The following PLCD3 variants were observed in gnomAD, a reference collection of about 807,000 sequenced individuals.
The protein encoded by PLCD3 is phospholipase C delta 3, also known as 1-phosphatidylinositol 4,5-bisphosphate phosphodiesterase delta-3.
Under a neutral mutation model 82.8 loss-of-function variants are expected in PLCD3, and 62 were observed. The ratio of observed to expected loss-of-function variants is 0.75; its 90% CI spans 0.61 to 0.93. PLCD3 has a LOEUF of 0.93. PLCD3 is among the 40% of genes least tolerant of loss of function. The probability of loss-of-function intolerance (pLI) is 0.00; values close to 1 mark genes in which losing one functional copy is unlikely to be tolerated. For missense variants in PLCD3, 1,023 were observed against 1,103.4 expected, an observed-to-expected ratio of 0.93 and a Z score of 1.03; for synonymous variants, 478 against 471.8, an observed-to-expected ratio of 1.01 and a Z score of -0.17.
chr17:45,121,312 C>T lies in PLCD3; in HGVS notation c.224G>A (p.Arg75His). ...MLRGSRLRKI[R>H]SRTWHKERLY... is the part of the protein sequence containing the mutation. ...CCGCTCCTTGTGCCACGTGCGCGAG[C>T]GGATCTTGCGGAGCCGGGAGCCCCG... is the stretch of plus-strand genomic sequence containing the variant. Residue 75 changes from arginine (R) to histidine (H), a missense_variant, in exon 2 of 15, where the codon CGC (arginine) becomes CAC (histidine). Transcript: ENST00000619929. 2 of 1,566,740 alleles carry T rather than the reference C, an allele frequency of 1.3e-6. No homozygotes were observed. Among genetic ancestry groups the T allele is most frequent in the Non-Finnish European group, 1.7e-6 (2 of 1,165,094 alleles).
intron 1 of PLCD3, among the ~76,000 whole-genome samples, chr17:45,126,007 G>T (rs190925316): frequency 6.8e-4 from 103 of 152,128 alleles, no homozygotes; most frequent in African/African-American, 2.1e-3. Context: ...ACTTAAAAAT[G>T]GTTGCAATGG....
At chr17:45,119,536 G>A (rs1483862498) in intron 4 of PLCD3, among the ~76,000 whole-genome samples, 2 of 152,170 alleles carry the variant, frequency 1.3e-5, no homozygotes, top group African/African-American at 2.4e-5. Flanking sequence ...GAGCCTGGCC[G>A]GCAGGGCTGG....
intron 7 of PLCD3, 102 bp from the exon 8 acceptor site, chr17:45,116,886 G>T: frequency 7.2e-7 from 1 of 1,391,956 alleles, no homozygotes; most frequent in Admixed American, 2.9e-5. Context: ...GCAAAGGCAG[G>T]GCTCTGGAGA....
At position 45,111,173 on chromosome 17, in the gene PLCD3, T is replaced by G. The variant is rs2054238965; in HGVS notation, c.*1443A>C. 1 of 152,244 alleles carries G rather than the reference T, an allele frequency of 6.6e-6. No homozygotes were observed. Among genetic ancestry groups the G allele is most frequent in the African/African-American group, 2.4e-5 (1 of 41,450 alleles). The allele number at this position is 152,244 out of a possible 1,614,324, so 9.4% of individuals were successfully genotyped here. A position where few individuals can be genotyped will look rare whatever the true frequency, so the allele number is the denominator to read the frequency against. On this transcript the variant is annotated 3_prime_UTR_variant, in exon 15 of 15. Coordinates refer to ENST00000619929, the MANE Select transcript of PLCD3 (RefSeq NM_133373.5). ...AGTGTCCAGTGCGCTCTCCTGGCATTTCTATAGAGGCGGCCCAAGCAGCGT... is the reference window on the plus strand; with the variant it reads ...AGTGTCCAGTGCGCTCTCCTGGCATGTCTATAGAGGCGGCCCAAGCAGCGT...
rs965211364 is a variant in PLCD3 at position 45,114,327 on chromosome 17, C to T, written c.1751G>A (p.Arg584His). Residue 584 changes from arginine to histidine, a missense_variant, in exon 11 of 15, where the codon CGC (arginine) becomes CAC (histidine). This residue lies in a region of PLCD3 where 553 missense variants were observed against 655.7 expected (regional missense o/e 0.84). Coordinates refer to ENST00000619929, the MANE Select transcript of PLCD3 (RefSeq NM_133373.5). Reference sequence around the variant, plus strand: ...CATCCGCAGCCCCAGCGGGTACACGCGGGTCAGCTGGCGGGCATTGTGCCT... The same window carrying T: ...CATCCGCAGCCCCAGCGGGTACACGTGGGTCAGCTGGCGGGCATTGTGCCT... Reference protein sequence around the residue: ...FVRHNARQLTRVYPLGLRMNS... With the variant: ...FVRHNARQLTHVYPLGLRMNS... 2.3e-5 allele frequency: 35 copies of T among 1,549,410 alleles called. No homozygotes were observed. Among genetic ancestry groups the T allele is most frequent in the South Asian group, 8.3e-5 (7 of 83,846 alleles).
rs2054230077 is a variant in PLCD3 at position 45,110,100 on chromosome 17, C to T, written c.*2516G>A. On this transcript the variant is annotated 3_prime_UTR_variant, in exon 15 of 15. Coordinates refer to ENST00000619929, the MANE Select transcript of PLCD3 (RefSeq NM_133373.5). ...CTCAAAAAAACAAACAAAAAAAAAA[C>T]CCTGTGATTTCTCCCTTGCTTCTGC... 6.6e-6 allele frequency: 1 copy of T among 151,578 alleles called. No individual in the cohort carries two copies. Among genetic ancestry groups the T allele is most frequent in the African/African-American group, 2.4e-5 (1 of 41,132 alleles). 9.4% of individuals were successfully genotyped at this position (151,578 alleles called of 1,614,324 possible).
rs1359368370 is a variant in PLCD3 at position 45,110,084 on chromosome 17, AC to A, written c.*2531del. 2 of 152,138 alleles carry A rather than the reference AC, an allele frequency of 1.3e-5. No homozygotes were observed. Among genetic ancestry groups the A allele is most frequent in the Non-Finnish European group, 2.9e-5 (2 of 68,216 alleles). The allele number at this position is 152,138 out of a possible 1,614,324, so 9.4% of individuals were successfully genotyped here. A position where few individuals can be genotyped will look rare whatever the true frequency, so the allele number is the denominator to read the frequency against. ...CAGAGCGAGACTCCATCTCAAAAAA[AC>A]AAACAAAAAAAAAACCCTGTGATTT... On this transcript the variant is annotated 3_prime_UTR_variant, in exon 15 of 15. Transcript: ENST00000619929.
At chr17:45,131,965 T>C (rs757849154) in intron 1 of PLCD3, among the ~76,000 whole-genome samples, 3 of 152,132 alleles carry the variant, frequency 2.0e-5, no homozygotes, top group Non-Finnish European at 2.9e-5. Flanking sequence ...TCCATTCTCC[T>C]TGGAGACCCC....
chr17:45,132,298 G>T lies in PLCD3; in HGVS notation c.113C>A (p.Pro38His), dbSNP rs748538131. The stretch of plus-strand genomic sequence containing the variant: ...GGGCCTCTTGGTGCCGCCATCGGAG[G>T]GAGTCGGCGGGGACGGGAGAGCGAC... ...APVALPSPPT[P>H]SDGGTKRPGL... Residue 38 changes from proline (P) to histidine (H), a missense_variant, in exon 1 of 15, where the codon CCC (proline) becomes CAC (histidine). Around this residue, in one of 3 missense-constraint regions of PLCD3, gnomAD observed 448 missense variants for 406.3 expected, o/e 1.10. Transcript: ENST00000619929. The surrounding 1 kb of genome is among the most constrained non-coding windows in gnomAD (Gnocchi z 4.6). 6 of 1,264,698 alleles carry T rather than the reference G, an allele frequency of 4.7e-6. No individual in the cohort carries two copies. The highest frequency in any genetic ancestry group is 6.0e-6 in the Non-Finnish European group (6 of 1,004,520). The allele number at this position is 1,264,698 out of a possible 1,614,324, so 78.3% of individuals were successfully genotyped here.
chr17:45,122,923 G>A (rs957966161), intron 1 of PLCD3, among the ~76,000 whole-genome samples: 3 of 152,162 alleles, frequency 2.0e-5, no homozygotes, highest in African/African-American at 4.8e-5. Context: ...GTGAATGAGG[G>A]CCCAGAGTTT....
chr17:45,116,860 C>T lies in PLCD3; in HGVS notation c.1261-76G>A, dbSNP rs779197562. ...ATCTCCCAACATCTGGCTCCCAGAC[C>T]CTTCAGGACAGGCAGGCAAAGGCAG... On this transcript the variant is annotated intron_variant, in intron 7 of 14. Transcript: ENST00000619929. 35 of 1,458,836 alleles carry T rather than the reference C, an allele frequency of 2.4e-5. No homozygotes were observed. The African/African-American group carries it at 4.6e-4, about 19-fold the overall frequency. 90.4% of individuals were successfully genotyped at this position (1,458,836 alleles called of 1,614,324 possible). A position where few individuals can be genotyped will look rare whatever the true frequency, so the allele number is the denominator to read the frequency against.
chr17:45,114,398 A>T, intron 10 of PLCD3, 32 bp from the exon 11 acceptor site: 1 of 1,514,920 alleles, frequency 6.6e-7, no homozygotes, highest in Non-Finnish European at 8.9e-7. Context: ...ACCGTGACAG[A>T]CTCCGGGGGT....
Position 45,121,243 on chromosome 17 carries a change from C to A in PLCD3, c.293G>T (p.Arg98Leu). 1.9e-6 allele frequency: 3 copies of A among 1,591,618 alleles called. No homozygotes were observed. The highest frequency in any genetic ancestry group is 2.5e-6 in the Non-Finnish European group (3 of 1,176,956). ...CTGCGATGGCGCACGCGGGATGCGC[C>A]GCTGGAACCACACGCTCAGGCCGTC... is the stretch of plus-strand genomic sequence containing the variant. ...QEDGLSVWFQRRIPRAPSQHI... is the reference protein window; with the variant it reads ...QEDGLSVWFQLRIPRAPSQHI... The change falls in exon 2 of 15, where the codon CGG (arginine) becomes CTG (leucine). Residue 98 changes from arginine to leucine, a missense_variant. Around this residue, in one of 3 missense-constraint regions of PLCD3, gnomAD observed 448 missense variants for 406.3 expected, o/e 1.10. Transcript: ENST00000619929.
At chr17:45,116,608 A>G in intron 8 of PLCD3, 24 bp downstream of exon 8, 1 of 1,534,974 alleles carries the variant, frequency 6.5e-7, no homozygotes. Flanking sequence ...CCCTCCACCC[A>G]GGCTAGGGGC....
At chr17:45,116,245 G>A (rs1377544164) in intron 8 of PLCD3, among the ~76,000 whole-genome samples, 1 of 152,222 alleles carries the variant, frequency 6.6e-6, no homozygotes, top group Non-Finnish European at 1.5e-5. Context: ...GGCGGCTGAA[G>A]TTGAGCTGAA....
chr17:45,117,924 T>C, intron 7 of PLCD3, 70 bp downstream of exon 7: 2 of 1,574,616 alleles, frequency 1.3e-6, no homozygotes, highest in South Asian at 1.1e-5. Context: ...GGAGGGCAGC[T>C]GGCATGTGAG....
At chr17:45,130,861 C>T (rs1310709753) in intron 1 of PLCD3, among the ~76,000 whole-genome samples, 2 of 152,060 alleles carry the variant, frequency 1.3e-5, no homozygotes, top group African/African-American at 4.8e-5. Flanking sequence ...CCACTCCCGT[C>T]TTCCTCAGCT....
chr17:45,121,364 C>G lies in PLCD3; in HGVS notation c.172G>C (p.Glu58Gln). 2.6e-6 allele frequency: 4 copies of G among 1,523,422 alleles called. No individual in the cohort carries two copies. The highest frequency in any genetic ancestry group is 2.6e-6 in the Non-Finnish European group (3 of 1,142,354). The allele number at this position is 1,523,422 out of a possible 1,614,324, so 94.4% of individuals were successfully genotyped here. ...AGCATGGCGCGCACGTCCTCGTCCT[C>G]CGTCAGGCCTGGCGGGGCGGGAGGA... ...LRALKKMGLTEDEDVRAMLRG... is the reference protein window; with the variant it reads ...LRALKKMGLTQDEDVRAMLRG... Residue 58 changes from glutamate to glutamine, a missense_variant, in exon 2 of 15, where the codon GAG (glutamate) becomes CAG (glutamine). By Grantham distance (29) the Glu-to-Gln change is conservative (BLOSUM62 2). Transcript: ENST00000619929.
In PLCD3 at chr17:45,113,177, G is replaced by T. The variant is rs376502191; in HGVS notation, c.2076C>A (p.Ile692=). The change falls in exon 13 of 15, where the codon ATC becomes ATA. Residue 692 remains isoleucine (I), a synonymous_variant. Transcript: ENST00000619929. The part of the protein sequence containing the change: ...SIVDPLVRIE[I]HGVPADCARQ... Reference sequence around the variant, plus strand: ...GGGCACAGTCTGCGGGCACCCCATGGATCTCAATGCGCACCAGGGGGTCCA... The same window carrying T: ...GGGCACAGTCTGCGGGCACCCCATGTATCTCAATGCGCACCAGGGGGTCCA... The T allele has an allele frequency of 3.2e-5, 52 of 1,612,682 alleles. No individual in the cohort carries two copies. In the East Asian group the frequency reaches 5.1e-4, roughly 16 times the overall value.
Sources: gnomAD v4.1 joint callset for allele counts (sites outside exome capture counted in the v4.1 genomes callset) on GRCh38, gnomAD v4.1.1 for gene constraint, gnomAD v4.1.1 regional missense constraint, Gnocchi (gnomAD v3.1) non-coding constraint, MANE v1.5 for transcripts, NCBI Gene and HGNC (gene_info 2026-07-23, HGNC 2026-07-21) for gene names.